The following GRM7 variants were observed in gnomAD, a reference collection of about 807,000 sequenced individuals.
The protein encoded by GRM7 is glutamate metabotropic receptor 7, also known as metabotropic glutamate receptor 7.
A neutral mutation model predicts 84.5 loss-of-function variants in GRM7; 35 were observed. That is an observed-to-expected ratio of 0.41 (90% CI 0.32 to 0.55). The LOEUF (loss-of-function observed/expected upper bound fraction) is 0.55, where lower values mean the gene tolerates loss of function less well. Ranked by LOEUF, GRM7 falls within the 20% of genes least tolerant of loss-of-function variation. GRM7 has a pLI of 0.19. For missense variants in GRM7, 1,003 were observed against 1,194.6 expected, an observed-to-expected ratio of 0.84 and a Z score of 2.36; for synonymous variants, 487 against 455.1, an observed-to-expected ratio of 1.07 and a Z score of -0.89.
At chr3:7,589,247 A>G (rs561246007) in intron 8 of GRM7, among the ~76,000 whole-genome samples, 2 of 152,340 alleles carry the variant, frequency 1.3e-5, no homozygotes, top group Non-Finnish European at 2.9e-5. Context: ...ATCTTGAGGT[A>G]TGGAAGTACC....
At chr3:7,598,594 T>A (rs1267185700) in intron 8 of GRM7, among the ~76,000 whole-genome samples, 1 of 152,210 alleles carries the variant, frequency 6.6e-6, no homozygotes, top group Non-Finnish European at 1.5e-5. Flanking sequence ...CTTGAAGTTG[T>A]CCTTTATAAG....
At chr3:7,102,584 C>T (rs562622371) in intron 1 of GRM7, among the ~76,000 whole-genome samples, 30 of 151,814 alleles carry the variant, frequency 2.0e-4, no homozygotes, top group Middle Eastern at 3.4e-3. Flanking sequence ...ATGTACAAGT[C>T]GAGGTATTGT....
chr3:7,049,695 CA>C (rs1313089642), intron 1 of GRM7, among the ~76,000 whole-genome samples: 4 of 151,814 alleles, frequency 2.6e-5, no homozygotes, highest in African/African-American at 9.7e-5. Flanking sequence ...AAAATTATTG[CA>C]AAAGAAGCCC....
chr3:7,461,507 C>A (rs1430728356), intron 6 of GRM7, 76 bp from the exon 7 acceptor site: 2 of 1,236,462 alleles, frequency 1.6e-6, no homozygotes, highest in Non-Finnish European at 2.4e-6. Flanking sequence ...AAGTCTCTAG[C>A]CTGTCACCCA....
At chr3:7,315,008 T>A (rs1700533676) in intron 4 of GRM7, among the ~76,000 whole-genome samples, 1 of 152,106 alleles carries the variant, frequency 6.6e-6, no homozygotes, top group African/African-American at 2.4e-5. Context: ...TTGTCATGTG[T>A]GATTACTGAA....
At chr3:7,640,046 C>T (rs1698293530) in intron 8 of GRM7, among the ~76,000 whole-genome samples, 1 of 152,140 alleles carries the variant, frequency 6.6e-6, no homozygotes, top group African/African-American at 2.4e-5. Flanking sequence ...TCCTGAAATG[C>T]TTTGTTTCCA....
intron 1 of GRM7, among the ~76,000 whole-genome samples, chr3:6,927,352 C>T (rs1265241299): frequency 6.6e-6 from 1 of 151,894 alleles, no homozygotes; most frequent in Non-Finnish European, 1.5e-5. Context: ...TGCTTAAACT[C>T]AGGAGGCAGA....
At chr3:7,564,069 T>C (rs1323058042) in intron 7 of GRM7, among the ~76,000 whole-genome samples, 1 of 152,082 alleles carries the variant, frequency 6.6e-6, no homozygotes, top group Admixed American at 6.6e-5. Context: ...AGCAATTAAG[T>C]GGACCCAACA....
At chr3:6,882,243 C>T (rs954578769) in intron 1 of GRM7, among the ~76,000 whole-genome samples, 2 of 152,084 alleles carry the variant, frequency 1.3e-5, no homozygotes, top group African/African-American at 4.8e-5. Flanking sequence ...GGCTGATTTT[C>T]TTTTGTACAA....
chr3:7,374,558 A>G (rs1694265630), intron 4 of GRM7, among the ~76,000 whole-genome samples: 1 of 151,776 alleles, frequency 6.6e-6, no homozygotes, highest in Admixed American at 6.6e-5. Context: ...GGCTCACTGC[A>G]ACCTCTGCCT....
At chr3:7,720,419 C>T (rs547844660) in intron 9 of GRM7, among the ~76,000 whole-genome samples, 2 of 152,246 alleles carry the variant, frequency 1.3e-5, no homozygotes, top group East Asian at 1.9e-4. Context: ...CCAAACAAAT[C>T]CTGCATTTAT....
chr3:7,164,128 G>A (rs569225429), intron 2 of GRM7, among the ~76,000 whole-genome samples: 1 of 152,270 alleles, frequency 6.6e-6, no homozygotes, highest in Admixed American at 6.5e-5. Context: ...GGAGGCTGAG[G>A]TGGGCAGAAC....
intron 7 of GRM7, among the ~76,000 whole-genome samples, chr3:7,487,827 G>A (rs1699378668): frequency 6.6e-6 from 1 of 152,178 alleles, no homozygotes; most frequent in African/African-American, 2.4e-5. Context: ...TGAAGCCAGA[G>A]TCACCCTCAC....
At chr3:7,411,628 C>A (rs1695940658) in intron 4 of GRM7, among the ~76,000 whole-genome samples, 1 of 152,090 alleles carries the variant, frequency 6.6e-6, no homozygotes, top group Non-Finnish European at 1.5e-5. Flanking sequence ...CGAATGCATT[C>A]TTTATTTTCT....
At chr3:7,584,660 A>C (rs1695426501) in intron 8 of GRM7, among the ~76,000 whole-genome samples, 1 of 152,230 alleles carries the variant, frequency 6.6e-6, no homozygotes, top group Non-Finnish European at 1.5e-5. Flanking sequence ...AAACTAGTTG[A>C]GTATTACAAT....
chr3:7,327,515 A>G (rs1383189266), intron 4 of GRM7, among the ~76,000 whole-genome samples: 2 of 152,192 alleles, frequency 1.3e-5, no homozygotes, highest in African/African-American at 4.8e-5. Context: ...ATATTTATAT[A>G]TCTGTATTTA....
chr3:6,914,972 A>C (rs1470595497), intron 1 of GRM7, among the ~76,000 whole-genome samples: 1 of 152,192 alleles, frequency 6.6e-6, no homozygotes, highest in African/African-American at 2.4e-5. Context: ...CAAGAGGACA[A>C]AAAGAAAATT....
At chr3:7,088,397 G>C (rs1698535920) in intron 1 of GRM7, among the ~76,000 whole-genome samples, 1 of 152,076 alleles carries the variant, frequency 6.6e-6, no homozygotes, top group Admixed American at 6.5e-5. Context: ...ATCTAAAATA[G>C]TTTATGAAGT....
chr3:6,862,073 T>A lies in GRM7; in HGVS notation c.519+166T>A, dbSNP rs1033645281. ...ACCCCGCTCGAGGAGATACCTTCCC[T>A]GCTTGGTTTATTTCCCTTCCATCTC... On this transcript the variant is annotated intron_variant, in intron 1 of 9. Transcript: ENST00000357716. The surrounding 1 kb of genome is among the most constrained non-coding windows in gnomAD (Gnocchi z 5.2). Among the ~76,000 whole-genome samples the A allele has an allele frequency of 1.3e-5, 2 of 151,996 alleles. No individual in the cohort carries two copies. The highest frequency in any genetic ancestry group is 4.8e-5 in the African/African-American group (2 of 41,392).
Sources: gnomAD v4.1 joint callset for allele counts (sites outside exome capture counted in the v4.1 genomes callset) on GRCh38, gnomAD v4.1.1 for gene constraint, Gnocchi (gnomAD v3.1) non-coding constraint, MANE v1.5 for transcripts, NCBI Gene and HGNC (gene_info 2026-07-23, HGNC 2026-07-21) for gene names.